ACBD6: variants seen among roughly 807,000 people sequenced by gnomAD.
The protein encoded by ACBD6 is acyl-CoA binding domain containing 6.
Under a neutral mutation model 37.2 loss-of-function variants are expected in ACBD6, and 28 were observed. The observed-to-expected ratio is 0.75, with a 90% CI of 0.56 to 1.03. The LOEUF is 1.03. Among genes scored for constraint, ACBD6 ranks in the 50% least tolerant of loss-of-function variants. The probability of loss-of-function intolerance (pLI) is 0.00; values close to 1 mark genes in which losing one functional copy is unlikely to be tolerated. For synonymous variants in ACBD6, 113 were observed against 126.8 expected (o/e 0.89, Z 0.73); for missense variants, 340 against 337.4 (o/e 1.01, Z -0.06).
intron 7 of ACBD6, among the ~76,000 whole-genome samples, chr1:180,289,669 C>T (rs762027847): frequency 4.1e-4 from 62 of 152,126 alleles, no homozygotes; most frequent in Admixed American, 6.5e-4. Flanking sequence ...ACAGCCCAAA[C>T]GCTCATTAAT....
At chr1:180,364,986 G>A (rs1159070300) in intron 6 of ACBD6, among the ~76,000 whole-genome samples, 1 of 152,110 alleles carries the variant, frequency 6.6e-6, no homozygotes, top group African/African-American at 2.4e-5. Context: ...GCCCACCTTG[G>A]CCTCCCAAAG....
chr1:180,324,482 A>G lies in ACBD6; in HGVS notation c.664-9760T>C, dbSNP rs180770388. 3.4e-3 allele frequency among the ~76,000 whole-genome samples: 513 copies of G among 152,204 alleles called. 6 individuals are homozygous for G. Among genetic ancestry groups the G allele is most frequent in the African/African-American group, 0.012 (499 of 41,550 alleles). On this transcript the variant is annotated intron_variant, in intron 6 of 7. Transcript: ENST00000367595. ...ACTGATTGCATAAACAAATAGGCAA[A>G]AAAAAACTAATAAAAACATTTTCAC...
At chr1:180,377,461 G>A (rs542808145) in intron 6 of ACBD6, among the ~76,000 whole-genome samples, 2 of 152,272 alleles carry the variant, frequency 1.3e-5, no homozygotes, top group South Asian at 2.1e-4. Context: ...GTGATCCTTG[G>A]AGAAATGGTT....
chr1:180,479,640 T>G (rs1650945521), intron 3 of ACBD6, among the ~76,000 whole-genome samples: 1 of 152,194 alleles, frequency 6.6e-6, no homozygotes, highest in Non-Finnish European at 1.5e-5. Flanking sequence ...AATGCCCTGA[T>G]TTGATCAGTA....
chr1:180,498,285 A>T (rs923243829), intron 1 of ACBD6, among the ~76,000 whole-genome samples: 15 of 152,222 alleles, frequency 9.9e-5, no homozygotes, highest in Non-Finnish European at 1.3e-4. Context: ...TACTGGCAAC[A>T]AACACTTTGA....
At chr1:180,271,269 C>T in exon 14 of ACBD6, 1 of 1,248,194 alleles carries the variant, frequency 8.0e-7, no homozygotes, top group East Asian at 2.3e-5. Flanking sequence ...TCGCGCTGTC[C>T]TGCCTACAGC....
chr1:180,493,247 C>CAAAAAAAAAAAAAAAA (rs71121023), intron 2 of ACBD6, among the ~76,000 whole-genome samples: 15 of 47,790 alleles, frequency 3.1e-4, no homozygotes, highest in African/African-American at 9.3e-4. Context: ...AATTCTGTCT[C>CAAAAAAAAAAAAAAAA]AAAAAAAAAA....
intron 7 of ACBD6, among the ~76,000 whole-genome samples, chr1:180,307,606 A>C (rs1021580242): frequency 6.6e-6 from 1 of 152,210 alleles, no homozygotes; most frequent in Non-Finnish European, 1.5e-5. Flanking sequence ...CCTGTATCAA[A>C]GTATCTCATG....
At chr1:180,460,252 T>C (rs1650088679) in intron 3 of ACBD6, among the ~76,000 whole-genome samples, 1 of 151,808 alleles carries the variant, frequency 6.6e-6, no homozygotes, top group African/African-American at 2.4e-5. Flanking sequence ...CATTGTTCTC[T>C]GCCTGACAGA....
chr1:180,339,026 A>C (rs1651860737), intron 6 of ACBD6, among the ~76,000 whole-genome samples: 1 of 152,210 alleles, frequency 6.6e-6, no homozygotes, highest in South Asian at 2.1e-4. Context: ...AAAAGTCAGG[A>C]AACAACAGGT....
At chr1:180,315,305 TCA>T (rs1466647318) in intron 6 of ACBD6, among the ~76,000 whole-genome samples, 1 of 152,186 alleles carries the variant, frequency 6.6e-6, no homozygotes, top group Non-Finnish European at 1.5e-5. Flanking sequence ...TTCCAACATT[TCA>T]GTTATTTTCC....
At chr1:180,288,725 G>T (rs1442506180) in intron 7 of ACBD6, among the ~76,000 whole-genome samples, 1 of 152,050 alleles carries the variant, frequency 6.6e-6, no homozygotes, top group Non-Finnish European at 1.5e-5. Context: ...TTACCTTTTT[G>T]GTTGTCTAGG....
chr1:180,357,369 A>C (rs1043792787), intron 6 of ACBD6, among the ~76,000 whole-genome samples: 1 of 152,216 alleles, frequency 6.6e-6, no homozygotes, highest in African/African-American at 2.4e-5. Context: ...GAATAAGTAA[A>C]GAAACGGTAA....
At chr1:180,438,083 C>T (rs750737203) in intron 3 of ACBD6, among the ~76,000 whole-genome samples, 1 of 152,202 alleles carries the variant, frequency 6.6e-6, no homozygotes, top group African/African-American at 2.4e-5. Context: ...TCAGCAATAG[C>T]ATTAGAGTCT....
At chr1:180,313,120 A>T (rs1294419888) in intron 7 of ACBD6, among the ~76,000 whole-genome samples, 1 of 152,218 alleles carries the variant, frequency 6.6e-6, no homozygotes, top group African/African-American at 2.4e-5. Flanking sequence ...GGATGAACCC[A>T]ACTTGGTCAG....
At chr1:180,461,308 A>G in intron 3 of ACBD6, among the ~76,000 whole-genome samples, 1 of 152,226 alleles carries the variant, frequency 6.6e-6, no homozygotes, top group East Asian at 1.9e-4. Context: ...GGAGAAGGGA[A>G]CCAATTTGGA....
At position 180,338,040 on chromosome 1, in the gene ACBD6, G is replaced by A. The variant is rs373203243; in HGVS notation, c.664-23318C>T. On this transcript the variant is annotated intron_variant, in intron 6 of 7. Coordinates refer to ENST00000367595, the MANE Select transcript of ACBD6 (RefSeq NM_032360.4). Reference sequence around the variant, plus strand: ...GGAAGAACAAGAGGATCCAAACAATGGAAGAACATCCAAACAAATGCTCAT... The same window carrying A: ...GGAAGAACAAGAGGATCCAAACAATAGAAGAACATCCAAACAAATGCTCAT... Among the ~76,000 whole-genome samples the A allele has an allele frequency of 8.5e-5, 13 of 152,198 alleles. No homozygotes were observed. The East Asian group carries it at 1.9e-3, about 23-fold the overall frequency.
chr1:180,383,356 CA>C (rs1288103909), intron 6 of ACBD6, among the ~76,000 whole-genome samples: 1 of 151,962 alleles, frequency 6.6e-6, no homozygotes, highest in Admixed American at 6.6e-5. Flanking sequence ...AATACAAAAT[CA>C]ACATATAAAA....
At position 180,317,554 on chromosome 1, in the gene ACBD6, G is replaced by A. The variant is rs549703639; in HGVS notation, c.664-2832C>T. ...AAGAAAGAAAATTAGAAAAGGGTAT[G>A]AGCCAAAAACTGCAAGTGGCAATGT... On this transcript the variant is annotated intron_variant, in intron 6 of 7. Transcript: ENST00000367595. Among the ~76,000 whole-genome samples, 110 of 152,298 alleles carry A rather than the reference G, an allele frequency of 7.2e-4. 1 individual carries two copies. The highest frequency in any genetic ancestry group is 3.4e-3 in the Middle Eastern group (1 of 292).
Sources: gnomAD v4.1 joint callset for allele counts (sites outside exome capture counted in the v4.1 genomes callset) on GRCh38, gnomAD v4.1.1 for gene constraint, MANE v1.5 for transcripts, NCBI Gene and HGNC (gene_info 2026-07-23, HGNC 2026-07-21) for gene names.